The following MRC1 variants were observed in gnomAD, a reference collection of about 807,000 sequenced individuals.
The protein encoded by MRC1 is macrophage mannose receptor 1.
Under a neutral mutation model 102.9 loss-of-function variants are expected in MRC1, and 62 were observed. That is an observed-to-expected ratio of 0.60 (90% CI 0.49 to 0.74). MRC1 has a LOEUF of 0.74. Among genes scored for constraint, MRC1 ranks in the 30% least tolerant of loss-of-function variants. The pLI is 0.00. For synonymous variants in MRC1, 457 were observed against 298.4 expected (o/e 1.53, Z -5.48); for missense variants, 1,237 against 862.8 (o/e 1.43, Z -5.43).
chr10:17,875,886 T>C (rs1384867930), intron 17 of MRC1, among the ~76,000 whole-genome samples: 4 of 152,248 alleles, frequency 2.6e-5, no homozygotes, highest in Non-Finnish European at 5.9e-5. Context: ...CCACCAACAA[T>C]GTAAAAATGT....
intron 4 of MRC1, among the ~76,000 whole-genome samples, chr10:17,834,874 G>A (rs948679120): frequency 1.1e-4 from 16 of 152,096 alleles, no homozygotes; most frequent in Non-Finnish European, 1.6e-4. Flanking sequence ...AAGCATCCCC[G>A]ATTTCTTGCC....
rs910060971 is a variant in MRC1, at chr10:17,827,452, A to G, written c.464-90A>G. ...TGCATCAAGTGTAATCAGAACAGTA[A>G]GACCAATTCCTTCAGTAGGCTTCTT... On this transcript the variant is annotated intron_variant, in intron 2 of 29. Transcript: ENST00000569591. The G allele has an allele frequency of 3.3e-5, 24 of 737,144 alleles. 1 individual carries two copies. Among genetic ancestry groups the G allele is most frequent in the Middle Eastern group, 5.9e-4 (2 of 3,396 alleles). 45.7% of individuals were successfully genotyped at this position (737,144 alleles called of 1,614,324 possible).
At chr10:17,813,662 T>TACACAC (rs1189019911) in intron 1 of MRC1, among the ~76,000 whole-genome samples, 14,057 of 138,108 alleles carry the variant, frequency 0.1, 769 homozygotes, top group Middle Eastern at 0.2. Context: ...TATATATATA[T>TACACAC]ACACACACAC....
chr10:17,844,568 T>C (rs1339150311), intron 5 of MRC1, among the ~76,000 whole-genome samples: 1 of 152,192 alleles, frequency 6.6e-6, no homozygotes, highest in African/African-American at 2.4e-5. Context: ...ATTCTTTCTT[T>C]TTAATAAATT....
chr10:17,871,420 T>A (rs2130676951), intron 14 of MRC1, among the ~76,000 whole-genome samples: 1 of 152,252 alleles, frequency 6.6e-6, no homozygotes, highest in African/African-American at 2.4e-5. Flanking sequence ...CAGAACCCCG[T>A]GGGTTATGAT....
At chr10:17,830,584 C>CT (rs1838555573) in intron 3 of MRC1, among the ~76,000 whole-genome samples, 1 of 151,222 alleles carries the variant, frequency 6.6e-6, no homozygotes, top group African/African-American at 2.5e-5. Flanking sequence ...CATTTATTTT[C>CT]AAGTATCGTG....
chr10:17,853,726 C>T lies in MRC1; in HGVS notation c.1407+602C>T, dbSNP rs991216322. ...AGGTCTGGAAGCTGTACTTGGGGAG[C>T]TACATTCATTTTTTTCAGTTTACAT... On this transcript the variant is annotated intron_variant, in intron 8 of 29. Transcript: ENST00000569591. Among the ~76,000 whole-genome samples the T allele has an allele frequency of 1.0e-3, 156 of 151,954 alleles. 1 individual carries two copies. Among genetic ancestry groups the T allele is most frequent in the African/African-American group, 3.5e-3 (144 of 41,452 alleles).
intron 12 of MRC1, among the ~76,000 whole-genome samples, chr10:17,869,236 C>T (rs1833320704): frequency 6.6e-6 from 1 of 152,090 alleles, no homozygotes; most frequent in South Asian, 2.1e-4. Flanking sequence ...TGAAATTCAG[C>T]TGATAGTAAA....
At chr10:17,834,850 T>C (rs1352445268) in intron 4 of MRC1, among the ~76,000 whole-genome samples, 1 of 152,120 alleles carries the variant, frequency 6.6e-6, no homozygotes, top group Non-Finnish European at 1.5e-5. Flanking sequence ...GATCAGAAAT[T>C]AGTGTGGGAG....
intron 9 of MRC1, among the ~76,000 whole-genome samples, chr10:17,861,005 A>G (rs997408538): frequency 6.6e-6 from 1 of 152,178 alleles, no homozygotes; most frequent in African/African-American, 2.4e-5. Flanking sequence ...TGATAGAAAA[A>G]GTATTAAAAT....
chr10:17,903,780 G>A (rs1833861350), intron 26 of MRC1, among the ~76,000 whole-genome samples: 1 of 151,870 alleles, frequency 6.6e-6, no homozygotes, highest in Admixed American at 6.6e-5. Context: ...CAACTAACAT[G>A]TTAATTTACA....
rs961262008 is a variant in MRC1 at position 17,845,557 on chromosome 10, C to T, written c.1063+122C>T. 500 of 730,682 alleles carry T rather than the reference C, an allele frequency of 6.8e-4. 3 individuals carry two copies. The highest frequency in any genetic ancestry group is 1.3e-4 in the Non-Finnish European group (53 of 396,166). The allele number at this position is 730,682 out of a possible 1,614,324, so 45.3% of individuals were successfully genotyped here. A position where few individuals can be genotyped will look rare whatever the true frequency, so the allele number is the denominator to read the frequency against. On this transcript the variant is annotated intron_variant, in intron 6 of 29. Transcript: ENST00000569591. ...TTTTGTGGATAGTTGATGGGGTAAA[C>T]TTAATGATATTACTGCAATATTTCT... is the stretch of plus-strand genomic sequence containing the variant.
intron 8 of MRC1, among the ~76,000 whole-genome samples, chr10:17,853,342 C>T (rs1833013418): frequency 6.6e-6 from 1 of 152,066 alleles, no homozygotes; most frequent in Admixed American, 6.6e-5. Flanking sequence ...TGGACAGAAA[C>T]TTTTGGGTCA....
chr10:17,826,050 A>G (rs1209363138), intron 2 of MRC1, among the ~76,000 whole-genome samples: 6 of 152,192 alleles, frequency 3.9e-5, no homozygotes, highest in Non-Finnish European at 8.8e-5. Flanking sequence ...TAAACCTAAT[A>G]TTTAAAGAGG....
chr10:17,876,743 G>A (rs1213929345), intron 17 of MRC1, among the ~76,000 whole-genome samples: 2 of 152,142 alleles, frequency 1.3e-5, no homozygotes, highest in Non-Finnish European at 2.9e-5. Flanking sequence ...CAAATTGTTA[G>A]CTATATAACA....
Position 17,856,370 on chromosome 10 carries a change from A to G in MRC1, c.1518+18A>G, listed in dbSNP as rs1231785310. The G allele has an allele frequency of 1.7e-5, 14 of 834,094 alleles. No individual in the cohort carries two copies. In the African/African-American group the frequency reaches 2.0e-4, roughly 12 times the overall value. 51.7% of individuals were successfully genotyped at this position (834,094 alleles called of 1,614,324 possible). On this transcript the variant is annotated intron_variant, in intron 9 of 29. Transcript: ENST00000569591. ...GCAGGAAAGTGAGTGCACCATGCCC[A>G]CAGTGACTTAAGCTGAGCACGTATG... is the stretch of plus-strand genomic sequence containing the variant.
chr10:17,849,711 C>T lies in MRC1; in HGVS notation c.1196C>T (p.Thr399Ile). The change falls in exon 7 of 30, where the codon ACA (threonine) becomes ATA (isoleucine). Residue 399 changes from threonine (T) to isoleucine (I), a missense_variant. Coordinates refer to ENST00000569591, the MANE Select transcript of MRC1 (RefSeq NM_002438.4). ...TTCRKEGGDLTSIHTIEELDF... is the reference protein window; with the variant it reads ...TTCRKEGGDLISIHTIEELDF... Reference sequence around the variant, plus strand: ...TGCAGGAAGGAAGGCGGTGACCTCACAAGTATCCACACCATCGAGGAATTG... The same window carrying T: ...TGCAGGAAGGAAGGCGGTGACCTCATAAGTATCCACACCATCGAGGAATTG... 1 of 780,936 alleles carries T rather than the reference C, an allele frequency of 1.3e-6. No individual in the cohort carries two copies. The allele number at this position is 780,936 out of a possible 1,614,324, so 48.4% of individuals were successfully genotyped here.
chr10:17,848,842 G>T, intron 6 of MRC1, among the ~76,000 whole-genome samples: 1 of 152,070 alleles, frequency 6.6e-6, no homozygotes, highest in Non-Finnish European at 1.5e-5. Flanking sequence ...CTGTTCTGAG[G>T]CAACAAGTGG....
intron 2 of MRC1, among the ~76,000 whole-genome samples, chr10:17,826,134 C>T (rs1838471260): frequency 6.6e-6 from 1 of 152,124 alleles, no homozygotes; most frequent in Non-Finnish European, 1.5e-5. Flanking sequence ...TTACTATGCG[C>T]TACATGTTTT....
Sources: gnomAD v4.1 joint callset for allele counts (sites outside exome capture counted in the v4.1 genomes callset) on GRCh38, gnomAD v4.1.1 for gene constraint, MANE v1.5 for transcripts, NCBI Gene and HGNC (gene_info 2026-07-23, HGNC 2026-07-21) for gene names.